Variants in MTHFD1L observed in about 807,000 individuals in gnomAD.
MTHFD1L encodes the protein methylenetetrahydrofolate dehydrogenase (NADP+ dependent) 1 like.
MTHFD1L carries 81 observed loss-of-function variants against 119.5 expected under a neutral mutation model. The ratio of observed to expected loss-of-function variants is 0.68; its 90% CI spans 0.57 to 0.82. MTHFD1L has a LOEUF of 0.82. Ranked by LOEUF, MTHFD1L falls within the 40% of genes least tolerant of loss-of-function variation. MTHFD1L has a pLI of 0.00. For synonymous variants in MTHFD1L, 430 were observed against 475.2 expected, an observed-to-expected ratio of 0.90 and a Z score of 1.24; for missense variants, 1,125 against 1,253.4, an observed-to-expected ratio of 0.90 and a Z score of 1.55.
intron 24 of MTHFD1L, among the ~76,000 whole-genome samples, chr6:151,034,282 A>G (rs1785786556): frequency 6.6e-6 from 1 of 152,160 alleles, no homozygotes; most frequent in Non-Finnish European, 1.5e-5. Context: ...CTTATTTGCT[A>G]GTTGACATCT....
Position 150,982,675 on chromosome 6 carries a change from C to T in MTHFD1L, c.2125+10617C>T, listed in dbSNP as rs145118840. On this transcript the variant is annotated intron_variant, in intron 20 of 27. Coordinates refer to ENST00000367321, the MANE Select transcript of MTHFD1L (RefSeq NM_015440.5). ...CCAATTGTGTGTGTGAGATTTCTGA[C>T]CTCTCCACGTTTGTCCTGACACTTC... 1.4e-4 allele frequency among the ~76,000 whole-genome samples: 21 copies of T among 152,072 alleles called. 2 individuals carry two copies. In the South Asian group the frequency reaches 1.9e-3, roughly 14 times the overall value.
intron 26 of MTHFD1L, among the ~76,000 whole-genome samples, chr6:151,066,437 C>CAAAAAAAAAAAAAAAAAAA (rs35065800): frequency 2.0e-5 from 1 of 50,686 alleles, no homozygotes; most frequent in Non-Finnish European, 3.5e-5. Flanking sequence ...GACTCCATCT[C>CAAAAAAAAAAAAAAAAAAA]AAAAAAAAAA....
At position 150,911,154 on chromosome 6, in the gene MTHFD1L, C is replaced by T. The variant is rs1786816794; in HGVS notation, c.892+5393C>T. Among the ~76,000 whole-genome samples, 3 of 151,860 alleles carry T rather than the reference C, an allele frequency of 2.0e-5. No homozygotes were observed. The South Asian group carries it at 6.2e-4, about 32-fold the overall frequency. On this transcript the variant is annotated intron_variant, in intron 8 of 27. Coordinates refer to ENST00000367321, the MANE Select transcript of MTHFD1L (RefSeq NM_015440.5). ...TCAATACAATGTATTTAATATTTTG[C>T]TTTTTTTAAAAAAAGTAAAGGTTCA...
chr6:150,952,304 G>T (rs935494031), intron 16 of MTHFD1L, among the ~76,000 whole-genome samples: 10 of 152,302 alleles, frequency 6.6e-5, no homozygotes, highest in Middle Eastern at 3.4e-3. Context: ...ACAGAAATAG[G>T]ACTCTTCATC....
At chr6:151,089,859 T>C in intron 26 of MTHFD1L, among the ~76,000 whole-genome samples, 1 of 152,338 alleles carries the variant, frequency 6.6e-6, no homozygotes, top group East Asian at 1.9e-4. Flanking sequence ...AACCTTAACT[T>C]CCGAGGCTGT....
chr6:151,039,083 T>C lies in MTHFD1L; in HGVS notation c.2847+1966T>C, dbSNP rs770524600. ...CAAGAGACACAGGGATAGCTGGAAA[T>C]CAGTGAGAAGACAGTGAAGGAAGAC... On this transcript the variant is annotated intron_variant, in intron 26 of 27. Coordinates refer to ENST00000367321, the MANE Select transcript of MTHFD1L (RefSeq NM_015440.5). The surrounding 1 kb of genome is among the most constrained non-coding windows in gnomAD (Gnocchi z 4.4). Among the ~76,000 whole-genome samples the C allele has an allele frequency of 6.6e-6, 1 of 151,952 alleles. No homozygotes were observed. The highest frequency in any genetic ancestry group is 1.5e-5 in the Non-Finnish European group (1 of 67,996).
intron 24 of MTHFD1L, among the ~76,000 whole-genome samples, chr6:151,033,559 C>A (rs1021013530): frequency 1.3e-5 from 2 of 152,176 alleles, no homozygotes; most frequent in African/African-American, 4.8e-5. Flanking sequence ...CGTATGCTAT[C>A]AATAGTCTGT....
chr6:151,009,986 C>T lies in MTHFD1L; in HGVS notation c.2265+28C>T, dbSNP rs544090874. On this transcript the variant is annotated intron_variant, in intron 21 of 27. Coordinates refer to ENST00000367321, the MANE Select transcript of MTHFD1L (RefSeq NM_015440.5). Reference sequence around the variant, plus strand: ...AAGTGCCCACACCGCCTTCCTAATACCAAAGAAATTTCATTATGTTAAAAC... The same window carrying T: ...AAGTGCCCACACCGCCTTCCTAATATCAAAGAAATTTCATTATGTTAAAAC... 9.0e-6 allele frequency: 14 copies of T among 1,547,924 alleles called. 1 individual carries two copies. The South Asian group carries it at 1.6e-4, about 18-fold the overall frequency.
At chr6:150,919,516 C>T (rs1382099647) in intron 9 of MTHFD1L, among the ~76,000 whole-genome samples, 5 of 152,156 alleles carry the variant, frequency 3.3e-5, no homozygotes, top group Admixed American at 6.5e-5. Flanking sequence ...TGAGCCACCG[C>T]GCCTGACCTG....
chr6:150,976,470 G>A (rs928462434), intron 20 of MTHFD1L, among the ~76,000 whole-genome samples: 3 of 152,160 alleles, frequency 2.0e-5, no homozygotes, highest in Admixed American at 6.5e-5. Flanking sequence ...ACAAAAAGAC[G>A]TTCATTTCAA....
intron 7 of MTHFD1L, among the ~76,000 whole-genome samples, chr6:150,892,369 T>C (rs1027134877): frequency 1.3e-5 from 2 of 152,236 alleles, no homozygotes; most frequent in Non-Finnish European, 2.9e-5. Flanking sequence ...GGGATGAATC[T>C]CATCTGAACT....
chr6:151,047,499 A>G (rs1489918618), intron 26 of MTHFD1L, among the ~76,000 whole-genome samples: 1 of 152,202 alleles, frequency 6.6e-6, no homozygotes, highest in Non-Finnish European at 1.5e-5. Flanking sequence ...GAAAATGTAT[A>G]ACTGCATGAC....
intron 26 of MTHFD1L, among the ~76,000 whole-genome samples, chr6:151,046,915 C>G (rs1012264244): frequency 2.0e-5 from 3 of 152,116 alleles, no homozygotes; most frequent in Non-Finnish European, 2.9e-5. Flanking sequence ...AGCTTTAAAA[C>G]TGGAATTGGG....
chr6:150,938,832 A>G lies in MTHFD1L; in HGVS notation c.1440+87A>G, dbSNP rs1792580706. 3.4e-6 allele frequency: 5 copies of G among 1,461,496 alleles called. No homozygotes were observed. In the East Asian group the frequency reaches 1.2e-4, roughly 36 times the overall value. 90.5% of individuals were successfully genotyped at this position (1,461,496 alleles called of 1,614,324 possible). ...TGCTCCCATCCACACAGGCCCACAG[A>G]CCCTCATCCATAATCCCAAAGTCAT... On this transcript the variant is annotated intron_variant, in intron 13 of 27. Coordinates refer to ENST00000367321, the MANE Select transcript of MTHFD1L (RefSeq NM_015440.5).
intron 7 of MTHFD1L, among the ~76,000 whole-genome samples, chr6:150,891,464 TTAA>T (rs1783260888): frequency 6.8e-6 from 1 of 148,142 alleles, no homozygotes; most frequent in East Asian, 1.9e-4. Context: ...ATATAGAATC[TTAA>T]TATATATATT....
At chr6:151,017,744 T>C (rs572438447) in intron 24 of MTHFD1L, among the ~76,000 whole-genome samples, 1 of 151,666 alleles carries the variant, frequency 6.6e-6, no homozygotes, top group Admixed American at 6.6e-5. Context: ...GAGCTCCCCC[T>C]CACAGCTATT....
intron 20 of MTHFD1L, among the ~76,000 whole-genome samples, chr6:150,987,659 T>C (rs1423172584): frequency 6.6e-6 from 1 of 152,222 alleles, no homozygotes; most frequent in Admixed American, 6.5e-5. Flanking sequence ...CCCACAGCCT[T>C]TGCTTTTACC....
At chr6:150,989,164 C>A (rs1376087307) in intron 20 of MTHFD1L, among the ~76,000 whole-genome samples, 1 of 152,194 alleles carries the variant, frequency 6.6e-6, no homozygotes, top group Non-Finnish European at 1.5e-5. Context: ...AAGTACTATG[C>A]AAATTACAAA....
In MTHFD1L at chr6:150,926,060, T is replaced by C; in HGVS notation, c.1083-62T>C. ...TGGCGTGATGTGTGGCTGTTTTCAC[T>C]CCAGTTGTGACCACCTAAGCTGAGA... is the stretch of plus-strand genomic sequence containing the variant. On this transcript the variant is annotated intron_variant, in intron 10 of 27. Transcript: ENST00000367321. The surrounding 1 kb of genome is among the most constrained non-coding windows in gnomAD (Gnocchi z 4.3). The C allele has an allele frequency of 1.4e-6, 2 of 1,475,740 alleles. No homozygotes were observed. The highest frequency in any genetic ancestry group is 1.8e-6 in the Non-Finnish European group (2 of 1,081,698). The allele number at this position is 1,475,740 out of a possible 1,614,324, so 91.4% of individuals were successfully genotyped here.
Sources: gnomAD v4.1 joint callset for allele counts (sites outside exome capture counted in the v4.1 genomes callset) on GRCh38, gnomAD v4.1.1 for gene constraint, Gnocchi (gnomAD v3.1) non-coding constraint, MANE v1.5 for transcripts, NCBI Gene and HGNC (gene_info 2026-07-23, HGNC 2026-07-21) for gene names.